Variants in CPD observed in about 807,000 individuals in gnomAD.
CPD encodes carboxypeptidase D.
A neutral mutation model predicts 138.3 loss-of-function variants in CPD; 69 were observed. The ratio of observed to expected loss-of-function variants is 0.50; its 90% CI spans 0.41 to 0.61. CPD has a LOEUF of 0.61. Among genes scored for constraint, CPD ranks in the 20% least tolerant of loss-of-function variants. The probability of loss-of-function intolerance (pLI) is 0.00; values close to 1 mark genes in which losing one functional copy is unlikely to be tolerated. For synonymous variants in CPD, 651 were observed against 642.1 expected, an observed-to-expected ratio of 1.01 and a Z score of -0.21; for missense variants, 1,432 against 1,733.3, an observed-to-expected ratio of 0.83 and a Z score of 3.09.
chr17:30,445,798 G>T lies in CPD; in HGVS notation c.2651G>T (p.Gly884Val). The T allele has an allele frequency of 6.2e-7, 1 of 1,614,060 alleles. No homozygotes were observed. Among genetic ancestry groups the T allele is most frequent in the Non-Finnish European group, 8.5e-7 (1 of 1,179,992 alleles). The change falls in exon 12 of 21, where the codon GGA (glycine) becomes GTA (valine). Residue 884 changes from glycine (G) to valine (V), a missense_variant. Physicochemically the swap from Gly to Val is moderately radical, Grantham distance 109 (BLOSUM62 -3). Around this residue, in one of 6 missense-constraint regions of CPD, gnomAD observed 124 missense variants for 117.0 expected, o/e 1.06. Coordinates refer to ENST00000225719, the MANE Select transcript of CPD (RefSeq NM_001304.5). Reference protein sequence around the residue: ...STDSNNESKKGKGASSSTNDA... With the variant: ...STDSNNESKKVKGASSSTNDA... ...GATTCAAACAATGAATCAAAGAAAGGAAAAGGGGCTAGCAGCAGCACCAAT... is the reference window on the plus strand; with the variant it reads ...GATTCAAACAATGAATCAAAGAAAGTAAAAGGGGCTAGCAGCAGCACCAAT...
chr17:30,416,428 A>C (rs1305066064), intron 2 of CPD, among the ~76,000 whole-genome samples: 1 of 152,210 alleles, frequency 6.6e-6, no homozygotes, highest in Non-Finnish European at 1.5e-5. Context: ...ATATGGTGAA[A>C]TTTGTATTAT....
At chr17:30,447,842 G>C (rs141497212) in intron 12 of CPD, among the ~76,000 whole-genome samples, 56 of 152,258 alleles carry the variant, frequency 3.7e-4, no homozygotes, top group African/African-American at 1.3e-3. Flanking sequence ...CTTCATTTTA[G>C]ATTTTGTTAC....
intron 2 of CPD, among the ~76,000 whole-genome samples, chr17:30,386,934 T>G (rs1012427052): frequency 1.3e-5 from 2 of 152,250 alleles, no homozygotes; most frequent in Non-Finnish European, 2.9e-5. Flanking sequence ...GGTATCTGTA[T>G]GAGTCCTTAT....
chr17:30,400,893 A>G (rs1235624230), intron 2 of CPD, among the ~76,000 whole-genome samples: 2 of 147,708 alleles, frequency 1.4e-5, no homozygotes, highest in African/African-American at 2.5e-5. Context: ...TAGCCAAGAT[A>G]GTCTTGATCT....
intron 2 of CPD, among the ~76,000 whole-genome samples, chr17:30,399,753 G>C (rs1488740239): frequency 1.3e-5 from 2 of 152,132 alleles, no homozygotes; most frequent in Non-Finnish European, 2.9e-5. Flanking sequence ...ACTTTTGGAG[G>C]CTGAGGCAGG....
Position 30,449,693 on chromosome 17 carries a change from T to A in CPD, c.3014T>A (p.Leu1005Ter). Residue 1005 changes from leucine (L) to a stop codon, truncating the protein, a stop_gained, in exon 13 of 21, where the codon TTG becomes TAG. Coordinates refer to ENST00000225719, the MANE Select transcript of CPD (RefSeq NM_001304.5). LOFTEE classifies it high-confidence loss of function. ...GNAPVGTELL[L>*]ALAEFLCLNY... ...GCGCCAGTTGGAACTGAACTGCTTT[T>A]GGCTCTGGCAGAATTTCTCTGCCTG... 6.3e-7 allele frequency: 1 copy of A among 1,594,462 alleles called. No individual in the cohort carries two copies. Among genetic ancestry groups the A allele is most frequent in the Non-Finnish European group, 8.5e-7 (1 of 1,175,206 alleles).
At chr17:30,399,728 G>C (rs1462250760) in intron 2 of CPD, among the ~76,000 whole-genome samples, 1 of 152,138 alleles carries the variant, frequency 6.6e-6, no homozygotes, top group African/African-American at 2.4e-5. Context: ...GGTGGCTCAT[G>C]CCTGTAATCC....
intron 8 of CPD, among the ~76,000 whole-genome samples, chr17:30,432,655 G>A (rs1170574935): frequency 1.3e-5 from 2 of 151,990 alleles, no homozygotes; most frequent in South Asian, 2.1e-4. Context: ...GCCTGAAATC[G>A]TAGCACTTTG....
intron 2 of CPD, among the ~76,000 whole-genome samples, chr17:30,414,537 C>G (rs1912054330): frequency 6.6e-6 from 1 of 150,704 alleles, no homozygotes; most frequent in African/African-American, 2.4e-5. Flanking sequence ...GAGCTGAGAT[C>G]ACACCACTGC....
rs558837071 is a variant in CPD, at chr17:30,411,725, T to A, written c.995-9116T>A. Among the ~76,000 whole-genome samples, 4 of 152,340 alleles carry A rather than the reference T, an allele frequency of 2.6e-5. No individual in the cohort carries two copies. In the South Asian group the frequency reaches 6.2e-4, roughly 24 times the overall value. ...AGCTCCATCAGGTCATTTAAGGTCTTCTCTACACTGTTTATTCTAGTTAGC... is the reference window on the plus strand; with the variant it reads ...AGCTCCATCAGGTCATTTAAGGTCTACTCTACACTGTTTATTCTAGTTAGC... On this transcript the variant is annotated intron_variant, in intron 2 of 20. Coordinates refer to ENST00000225719, the MANE Select transcript of CPD (RefSeq NM_001304.5).
intron 12 of CPD, among the ~76,000 whole-genome samples, chr17:30,448,560 C>T (rs1320819292): frequency 6.6e-6 from 1 of 152,144 alleles, no homozygotes; most frequent in Non-Finnish European, 1.5e-5. Context: ...CATGAGAAAG[C>T]AATAAGGTTT....
intron 10 of CPD, among the ~76,000 whole-genome samples, chr17:30,443,476 C>A (rs960802279): frequency 2.0e-4 from 30 of 151,996 alleles, no homozygotes; most frequent in African/African-American, 6.5e-4. Context: ...TATAAGAGTC[C>A]TTCTGTTTTT....
chr17:30,424,753 C>T (rs1912357624), intron 6 of CPD, among the ~76,000 whole-genome samples: 1 of 152,192 alleles, frequency 6.6e-6, no homozygotes, highest in Non-Finnish European at 1.5e-5. Flanking sequence ...GGACAGCAGA[C>T]CCTTATGCAC....
intron 2 of CPD, among the ~76,000 whole-genome samples, chr17:30,385,527 C>T (rs1911161960): frequency 7.3e-6 from 1 of 137,300 alleles, no homozygotes; most frequent in South Asian, 2.4e-4. Context: ...CACACACACA[C>T]ACACAATCAC....
intron 2 of CPD, among the ~76,000 whole-genome samples, chr17:30,401,383 C>CTCTTCCTCTTCTTCCTT (rs1567868941): frequency 6.7e-6 from 1 of 149,282 alleles, no homozygotes; most frequent in African/African-American, 2.5e-5. Context: ...TCTTCTTCCT[C>CTCTTCCTCTTCTTCCTT]CTCTTCCTCT....
At chr17:30,409,318 C>CT (rs892621648) in intron 2 of CPD, among the ~76,000 whole-genome samples, 2 of 151,916 alleles carry the variant, frequency 1.3e-5, no homozygotes, top group Non-Finnish European at 2.9e-5. Flanking sequence ...CTAAAATTCT[C>CT]TTTTTTTGTT....
intron 2 of CPD, among the ~76,000 whole-genome samples, chr17:30,402,844 C>T (rs998247688): frequency 6.6e-6 from 1 of 152,152 alleles, no homozygotes; most frequent in African/African-American, 2.4e-5. Context: ...TGGTGGCTCA[C>T]ACCTATAATC....
intron 5 of CPD, 40 bp from the exon 6 acceptor site, chr17:30,423,466 G>C (rs1170135799): frequency 7.1e-7 from 1 of 1,402,022 alleles, no homozygotes; most frequent in East Asian, 2.5e-5. Context: ...TGATGATTAA[G>C]AAGGAAAAAA....
In CPD at chr17:30,449,706, A is replaced by G; in HGVS notation, c.3027A>G (p.Glu1009=). The change falls in exon 13 of 21, where the codon GAA becomes GAG. Residue 1009 remains glutamate, a synonymous_variant. Transcript: ENST00000225719. ...VGTELLLALA[E]FLCLNYKKNP... ...CTGAACTGCTTTTGGCTCTGGCAGAATTTCTCTGCCTGAACTACAAAAAGA... is the reference window on the plus strand; with the variant it reads ...CTGAACTGCTTTTGGCTCTGGCAGAGTTTCTCTGCCTGAACTACAAAAAGA... 6.3e-7 allele frequency: 1 copy of G among 1,586,640 alleles called. No individual in the cohort carries two copies. The highest frequency in any genetic ancestry group is 8.5e-7 in the Non-Finnish European group (1 of 1,172,594).
Sources: allele counts gnomAD v4.1 joint callset (sites outside exome capture counted in the v4.1 genomes callset), GRCh38; gene constraint gnomAD v4.1.1; regional missense constraint gnomAD v4.1.1; transcripts MANE v1.5; gene names NCBI Gene and HGNC (gene_info 2026-07-23, HGNC 2026-07-21).